Variants in DIS3L2 observed in about 807,000 individuals in gnomAD.
The protein encoded by DIS3L2 is DIS3-like exonuclease 2.
Under a neutral mutation model 97.5 loss-of-function variants are expected in DIS3L2, and 34 were observed. The ratio of observed to expected loss-of-function variants is 0.35; its 90% CI spans 0.27 to 0.46. The LOEUF is 0.46. DIS3L2 is among the 20% of genes least tolerant of loss of function. The pLI is 1.00. For missense variants in DIS3L2, 1,038 were observed against 1,146.0 expected (o/e 0.91, Z 1.36); for synonymous variants, 435 against 445.2 (o/e 0.98, Z 0.29).
chr2:232,018,207 G>T (rs985680202), intron 3 of DIS3L2, among the ~76,000 whole-genome samples: 1 of 152,164 alleles, frequency 6.6e-6, no homozygotes, highest in Non-Finnish European at 1.5e-5. Context: ...AGTGATATTA[G>T]CTTCAGCTCC....
chr2:232,065,237 A>C (rs1040787595), intron 5 of DIS3L2, among the ~76,000 whole-genome samples: 3 of 152,036 alleles, frequency 2.0e-5, no homozygotes, highest in Admixed American at 6.6e-5. Flanking sequence ...CTTTATATTC[A>C]TTGACCAGCA....
intron 9 of DIS3L2, among the ~76,000 whole-genome samples, chr2:232,208,513 G>C (rs1020498920): frequency 1.3e-5 from 2 of 152,152 alleles, no homozygotes; most frequent in South Asian, 2.1e-4. Context: ...GTTTCACCAT[G>C]TTGGCCAGTC....
chr2:231,990,576 C>G (rs1340532480), intron 1 of DIS3L2, among the ~76,000 whole-genome samples: 1 of 152,122 alleles, frequency 6.6e-6, no homozygotes, highest in Admixed American at 6.6e-5. Context: ...AGAAATCAAG[C>G]TATTTGTTGA....
intron 11 of DIS3L2, among the ~76,000 whole-genome samples, chr2:232,240,801 C>A (rs1413842345): frequency 6.6e-6 from 1 of 152,230 alleles, no homozygotes; most frequent in African/African-American, 2.4e-5. Flanking sequence ...CCCTGACCCC[C>A]ATGGCCATGA....
In DIS3L2 at chr2:232,263,399, C is replaced by T. The variant is rs573031156; in HGVS notation, c.1618C>T (p.Arg540Cys). The T allele has an allele frequency of 1.2e-5, 20 of 1,614,164 alleles. No homozygotes were observed. The highest frequency in any genetic ancestry group is 6.6e-5 in the South Asian group (6 of 91,090). The part of the protein sequence containing the change: ...LNLHGIAKQL[R>C]QQRFVDGALR... Reference sequence around the variant, plus strand: ...TCTCCACGGAATTGCCAAGCAGTTACGCCAGCAGCGCTTTGTGGACGGCGC... The same window carrying T: ...TCTCCACGGAATTGCCAAGCAGTTATGCCAGCAGCGCTTTGTGGACGGCGC... Residue 540 changes from arginine to cysteine, a missense_variant, in exon 13 of 21, where the codon CGC becomes TGC. Physicochemically the swap from Arg to Cys is radical, Grantham distance 180. Coordinates refer to ENST00000325385, the MANE Select transcript of DIS3L2 (RefSeq NM_152383.5).
intron 9 of DIS3L2, among the ~76,000 whole-genome samples, chr2:232,194,269 C>T (rs1329012218): frequency 6.6e-6 from 1 of 151,310 alleles, no homozygotes; most frequent in African/African-American, 2.4e-5. Flanking sequence ...CTAATATTTG[C>T]AAGATACTGA....
chr2:232,170,743 A>G (rs1382204788), intron 9 of DIS3L2, among the ~76,000 whole-genome samples: 1 of 152,186 alleles, frequency 6.6e-6, no homozygotes, highest in Non-Finnish European at 1.5e-5. Context: ...CTGCCAAAAT[A>G]GAAAACAATG....
At chr2:232,067,425 C>A (rs1031165093) in intron 5 of DIS3L2, among the ~76,000 whole-genome samples, 2 of 152,026 alleles carry the variant, frequency 1.3e-5, no homozygotes, top group Admixed American at 1.3e-4. Context: ...GGTGAATATT[C>A]AAATACTTAG....
At chr2:232,339,890 G>C (rs961102648), downstream of DIS3L2, among the ~76,000 whole-genome samples, 1 of 152,194 alleles carries the variant, frequency 6.6e-6, no homozygotes, top group African/African-American at 2.4e-5. Flanking sequence ...GGGAGGAAGT[G>C]GATTGAGTTG....
At chr2:232,038,222 A>G (rs1472507957) in intron 5 of DIS3L2, among the ~76,000 whole-genome samples, 3 of 152,212 alleles carry the variant, frequency 2.0e-5, no homozygotes, top group Non-Finnish European at 4.4e-5. Context: ...AGAGAAGTGT[A>G]TTAGGGCCAG....
At chr2:232,335,130 G>A (rs557997730) in intron 19 of DIS3L2, 69 of 206,360 alleles carry the variant, frequency 3.3e-4, no homozygotes, top group African/African-American at 1.3e-3. Context: ...CCTGCCCTGA[G>A]TGACTGTTGA....
intron 4 of DIS3L2, among the ~76,000 whole-genome samples, chr2:232,025,265 ATACT>A (rs1450799871): frequency 1.3e-5 from 2 of 152,136 alleles, no homozygotes; most frequent in Non-Finnish European, 2.9e-5. Flanking sequence ...TTTACATTAC[ATACT>A]TACACTGAAA....
chr2:232,330,759 T>A lies in DIS3L2; in HGVS notation c.1993T>A (p.Cys665Ser), dbSNP rs1695712077. 6.2e-7 allele frequency: 1 copy of A among 1,612,244 alleles called. No individual in the cohort carries two copies. Among genetic ancestry groups the A allele is most frequent in the Non-Finnish European group, 8.5e-7 (1 of 1,179,996 alleles). The change falls in exon 16 of 21, where the codon TGC becomes AGC. Residue 665 changes from cysteine (C) to serine (S), a missense_variant. Coordinates refer to ENST00000325385, the MANE Select transcript of DIS3L2 (RefSeq NM_152383.5). The part of the protein sequence containing the change: ...LARKEVLTNM[C>S]SRPMQMALYF... ...CCGCAAGGAGGTGCTCACCAACATG[T>A]GCTCCCGGCCCATGCAGGTAAGGAG...
chr2:232,194,876 G>A (rs1691707265), intron 9 of DIS3L2, among the ~76,000 whole-genome samples: 1 of 152,112 alleles, frequency 6.6e-6, no homozygotes, highest in Admixed American at 6.5e-5. Context: ...GAAGTTGGTG[G>A]GAGTAGAGAA....
intron 13 of DIS3L2, among the ~76,000 whole-genome samples, chr2:232,282,142 T>TAAAAA (rs60408194): frequency 9.3e-6 from 1 of 107,158 alleles, no homozygotes; most frequent in South Asian, 3.3e-4. Context: ...CTCGTTTATT[T>TAAAAA]AAAAAAAAAA....
In DIS3L2 at chr2:232,218,491, T is replaced by G. The variant is rs11695725; in HGVS notation, c.1204+8086T>G. ...GGCCGGGTGTGGTGGCTCACACCTG[T>G]AATCTTAGCACTTTGGGAGGCCGAG... On this transcript the variant is annotated intron_variant, in intron 10 of 20. Coordinates refer to ENST00000325385, the MANE Select transcript of DIS3L2 (RefSeq NM_152383.5). Among the ~76,000 whole-genome samples, 429 of 152,284 alleles carry G rather than the reference T, an allele frequency of 2.8e-3. 1 individual carries two copies. The highest frequency in any genetic ancestry group is 4.7e-3 in the Non-Finnish European group (317 of 68,022).
intron 16 of DIS3L2, among the ~76,000 whole-genome samples, chr2:232,332,785 T>C (rs1397746628): frequency 6.6e-6 from 1 of 151,310 alleles, no homozygotes; most frequent in Non-Finnish European, 1.5e-5. Flanking sequence ...TGGGGTGGAG[T>C]ATTGGCGAGC....
At chr2:232,011,490 G>T (rs4973027) in intron 1 of DIS3L2, among the ~76,000 whole-genome samples, 121,132 of 151,756 alleles carry the variant, frequency 0.8, 49,051 homozygotes, top group African/African-American at 0.92. Context: ...GTAGCTGGGA[G>T]TACAGGCGTG....
At chr2:232,122,850 T>C (rs917216992) in intron 6 of DIS3L2, among the ~76,000 whole-genome samples, 5 of 152,220 alleles carry the variant, frequency 3.3e-5, no homozygotes, top group African/African-American at 1.2e-4. Context: ...TATAAACTAT[T>C]TCCAGTGGGC....
Sources: gnomAD v4.1 joint callset for allele counts (sites outside exome capture counted in the v4.1 genomes callset) on GRCh38, gnomAD v4.1.1 for gene constraint, MANE v1.5 for transcripts, NCBI Gene and HGNC (gene_info 2026-07-23, HGNC 2026-07-21) for gene names.